EBF3: variants seen among roughly 807,000 people sequenced by gnomAD.
EBF3 encodes EBF transcription factor 3.
In EBF3, 18 loss-of-function variants were observed where a neutral mutation model predicts 77.1. That is an observed-to-expected ratio of 0.23 (90% CI 0.16 to 0.35). EBF3 has a LOEUF of 0.35. EBF3 is among the 10% of genes least tolerant of loss of function. EBF3 has a pLI of 1.00. For synonymous variants in EBF3, 350 were observed against 343.5 expected, an observed-to-expected ratio of 1.02 and a Z score of -0.21; for missense variants, 558 against 860.0, an observed-to-expected ratio of 0.65 and a Z score of 4.39.
intron 10 of EBF3, among the ~76,000 whole-genome samples, chr10:129,860,542 C>T (rs921881073): frequency 6.6e-6 from 1 of 152,120 alleles, no homozygotes; most frequent in African/African-American, 2.4e-5. Context: ...AGCGTGGCCC[C>T]GATGAGAGCA....
chr10:129,932,817 A>C (rs1857112197), intron 6 of EBF3, among the ~76,000 whole-genome samples: 1 of 152,160 alleles, frequency 6.6e-6, no homozygotes. Flanking sequence ...GGAACAATTA[A>C]AACCAGCCGT....
At chr10:129,910,903 T>G (rs745635153) in intron 6 of EBF3, among the ~76,000 whole-genome samples, 1 of 152,144 alleles carries the variant, frequency 6.6e-6, no homozygotes, top group Non-Finnish European at 1.5e-5. Flanking sequence ...GCCTGGCATA[T>G]CCACTCCTGG....
chr10:129,918,328 C>T (rs1214881171), intron 6 of EBF3, among the ~76,000 whole-genome samples: 2 of 152,234 alleles, frequency 1.3e-5, no homozygotes, highest in Admixed American at 6.5e-5. Context: ...CCATGCCCCA[C>T]ACATTTCACT....
At chr10:129,940,765 G>C (rs1857675267) in intron 6 of EBF3, among the ~76,000 whole-genome samples, 1 of 152,188 alleles carries the variant, frequency 6.6e-6, no homozygotes, top group South Asian at 2.1e-4. Context: ...CCACCCAGGG[G>C]TGGCCCAGGA....
rs1420913103 is a variant in EBF3, at chr10:129,938,062, T to C, written c.554+19196A>G. Among the ~76,000 whole-genome samples, 1 of 152,136 alleles carries C rather than the reference T, an allele frequency of 6.6e-6. No homozygotes were observed. Among genetic ancestry groups the C allele is most frequent in the Non-Finnish European group, 1.5e-5 (1 of 68,024 alleles). On this transcript the variant is annotated intron_variant, in intron 6 of 16. Transcript: ENST00000440978. This position sits in a 1 kb window ranked among gnomAD's most constrained non-coding sequence, Gnocchi z 5.1. ...TTCATTGACATCACATACACAATCATACTCCACAACCACGCAAACTGTAAA... is the reference window on the plus strand; with the variant it reads ...TTCATTGACATCACATACACAATCACACTCCACAACCACGCAAACTGTAAA...
rs1340618020 is a variant in EBF3 at position 129,963,095 on chromosome 10, G to C, written c.292-90C>G. ...TCCCCCTCCGCGACCGAGGCTCTCG[G>C]CCTCACACATGGCAGGATTCCTAGC... is the stretch of plus-strand genomic sequence containing the variant. On this transcript the variant is annotated intron_variant, in intron 2 of 16. Coordinates refer to ENST00000440978, the MANE Select transcript of EBF3 (RefSeq NM_001375380.1). The surrounding 1 kb of genome is among the most constrained non-coding windows in gnomAD (Gnocchi z 7.1). 8.7e-6 allele frequency: 13 copies of C among 1,496,936 alleles called. No homozygotes were observed. In the Admixed American group the frequency reaches 2.2e-4, roughly 25 times the overall value. 92.7% of individuals were successfully genotyped at this position (1,496,936 alleles called of 1,614,324 possible).
At chr10:129,905,325 A>G (rs1162492308) in intron 6 of EBF3, among the ~76,000 whole-genome samples, 1 of 152,254 alleles carries the variant, frequency 6.6e-6, no homozygotes, top group East Asian at 1.9e-4. Context: ...AACTTAGTGA[A>G]CAAGATAAAA....
At chr10:129,899,221 G>A (rs1321447105) in intron 6 of EBF3, among the ~76,000 whole-genome samples, 2 of 152,180 alleles carry the variant, frequency 1.3e-5, no homozygotes, top group Non-Finnish European at 2.9e-5. Context: ...TTCATAAATC[G>A]GAGTCGACAT....
In EBF3 at chr10:129,882,231, C is replaced by T. The variant is rs541932466; in HGVS notation, c.555-4382G>A. The stretch of plus-strand genomic sequence containing the variant: ...GTAGTGTTAGGCTCCTGTGTAATAT[C>T]CATTACATTATGAACTGTTTAAATT... On this transcript the variant is annotated intron_variant, in intron 6 of 16. Transcript: ENST00000440978. Among the ~76,000 whole-genome samples, 6 of 152,346 alleles carry T rather than the reference C, an allele frequency of 3.9e-5. No homozygotes were observed. The South Asian group carries it at 1.2e-3, about 32-fold the overall frequency.
chr10:129,940,422 C>A lies in EBF3; in HGVS notation c.554+16836G>T, dbSNP rs183101925. Among the ~76,000 whole-genome samples the A allele has an allele frequency of 1.5e-4, 23 of 152,316 alleles. No individual in the cohort carries two copies. The East Asian group carries it at 2.9e-3, about 19-fold the overall frequency. On this transcript the variant is annotated intron_variant, in intron 6 of 16. Transcript: ENST00000440978. ...ATGGGGTCTTCACCACCTGCCCAGCCCCAGGCACAGAAGGGGAAAGAATAA... is the reference window on the plus strand; with the variant it reads ...ATGGGGTCTTCACCACCTGCCCAGCACCAGGCACAGAAGGGGAAAGAATAA...
intron 6 of EBF3, among the ~76,000 whole-genome samples, chr10:129,903,467 GA>G (rs953012310): frequency 5.3e-5 from 8 of 152,298 alleles, no homozygotes; most frequent in African/African-American, 1.7e-4. Context: ...AATTTATGAA[GA>G]AAGAGATTAC....
intron 6 of EBF3, among the ~76,000 whole-genome samples, chr10:129,954,420 C>CCT (rs1858896520): frequency 6.7e-6 from 1 of 150,012 alleles, no homozygotes; most frequent in African/African-American, 2.4e-5. Context: ...CTTCCCCCCC[C>CCT]CCTTTTTTTT....
intron 6 of EBF3, among the ~76,000 whole-genome samples, chr10:129,918,879 C>A (rs1856075623): frequency 6.6e-6 from 1 of 152,240 alleles, no homozygotes; most frequent in Non-Finnish European, 1.5e-5. Flanking sequence ...ATTTTTTAAT[C>A]CCTGAAACGT....
chr10:129,904,645 T>C (rs1397262339), intron 6 of EBF3, among the ~76,000 whole-genome samples: 2 of 151,814 alleles, frequency 1.3e-5, no homozygotes, highest in African/African-American at 2.4e-5. Context: ...GATGGATGGA[T>C]GGATGGATGG....
At chr10:129,878,709 A>G (rs4617503) in intron 6 of EBF3, among the ~76,000 whole-genome samples, 34,955 of 145,508 alleles carry the variant, frequency 0.24, 5,241 homozygotes, top group African/African-American at 0.43. Flanking sequence ...CAGCTCTTAA[A>G]AAGCAATTGG....
intron 11 of EBF3, 130 bp from the exon 12 acceptor site, chr10:129,843,332 T>C (rs1448558653): frequency 2.2e-6 from 2 of 927,220 alleles, no homozygotes; most frequent in Non-Finnish European, 3.3e-6. Flanking sequence ...GGCCCTGCCG[T>C]GCACTTCGAA....
Position 129,870,381 on chromosome 10 carries a change from G to T in EBF3, c.782-2469C>A, listed in dbSNP as rs553786245. ...AAGATGGCAGAGGAGGAGCAGGGAA[G>T]CAGTGGGGACAGGGAGCCCCCACAC... On this transcript the variant is annotated intron_variant, in intron 8 of 16. Coordinates refer to ENST00000440978, the MANE Select transcript of EBF3 (RefSeq NM_001375380.1). This position sits in a 1 kb window ranked among gnomAD's most constrained non-coding sequence, Gnocchi z 4.4. Among the ~76,000 whole-genome samples the T allele has an allele frequency of 6.6e-6, 1 of 152,260 alleles. No homozygotes were observed. The highest frequency in any genetic ancestry group is 1.9e-4 in the East Asian group (1 of 5,150).
chr10:129,963,415 C>A lies in EBF3; in HGVS notation c.243G>T (p.Pro81=). The change falls in exon 2 of 17, where the codon CCG becomes CCT. Residue 81 remains proline, a synonymous_variant. Transcript: ENST00000440978. The surrounding 1 kb of genome is among the most constrained non-coding windows in gnomAD (Gnocchi z 7.1). ...VLALYDRQGQ[P]VEIERTAFVD... ...CAAAAGCGGTCCTTTCAATCTCCACCGGCTGCCCCTGCCTATCGTAGAGCG... is the reference window on the plus strand; with the variant it reads ...CAAAAGCGGTCCTTTCAATCTCCACAGGCTGCCCCTGCCTATCGTAGAGCG... The A allele has an allele frequency of 6.3e-7, 1 of 1,593,220 alleles. No homozygotes were observed. Among genetic ancestry groups the A allele is most frequent in the South Asian group, 1.1e-5 (1 of 88,728 alleles).
intron 6 of EBF3, among the ~76,000 whole-genome samples, chr10:129,948,733 T>C (rs528476374): frequency 1.3e-5 from 2 of 152,292 alleles, no homozygotes; most frequent in East Asian, 3.9e-4. Context: ...TAAAGCGTTA[T>C]GAGAACACCT....
Sources: allele counts gnomAD v4.1 joint callset (sites outside exome capture counted in the v4.1 genomes callset), GRCh38; gene constraint gnomAD v4.1.1; non-coding constraint Gnocchi (gnomAD v3.1); transcripts MANE v1.5; gene names NCBI Gene and HGNC (gene_info 2026-07-23, HGNC 2026-07-21).